Variants in CPNE8 observed in about 807,000 individuals in gnomAD.
The protein encoded by CPNE8 is copine-8.
In CPNE8, 45 loss-of-function variants were observed where a neutral mutation model predicts 81.5. That is an observed-to-expected ratio of 0.55 (90% CI 0.44 to 0.71). The LOEUF (loss-of-function observed/expected upper bound fraction) is 0.71. Ranked by LOEUF, CPNE8 falls within the 30% of genes least tolerant of loss-of-function variation. The probability of loss-of-function intolerance (pLI) is 0.00; values close to 1 mark genes in which losing one functional copy is unlikely to be tolerated. For missense variants in CPNE8, 594 were observed against 672.1 expected, an observed-to-expected ratio of 0.88 and a Z score of 1.28; for synonymous variants, 252 against 226.3, an observed-to-expected ratio of 1.11 and a Z score of -1.02.
chr12:38,848,696 C>T (rs1406748041), intron 3 of CPNE8, 34 bp from the exon 4 acceptor site: 4 of 1,553,868 alleles, frequency 2.6e-6, no homozygotes, highest in African/African-American at 1.4e-5. Context: ...AAAATTAAAC[C>T]TTGTACGGCT....
chr12:38,736,443 G>GCC (rs1365972255), intron 10 of CPNE8, among the ~76,000 whole-genome samples: 1 of 151,742 alleles, frequency 6.6e-6, no homozygotes, highest in Non-Finnish European at 1.5e-5. Flanking sequence ...ATAAGCCATA[G>GCC]TTAAGGATAT....
At chr12:38,844,710 C>A (rs930781342) in intron 4 of CPNE8, among the ~76,000 whole-genome samples, 2 of 152,154 alleles carry the variant, frequency 1.3e-5, no homozygotes, top group African/African-American at 2.4e-5. Context: ...CTCTCTTTTT[C>A]TCTCACTGTC....
chr12:38,790,074 T>C (rs1485298188), intron 6 of CPNE8, among the ~76,000 whole-genome samples: 3 of 151,762 alleles, frequency 2.0e-5, no homozygotes, highest in Non-Finnish European at 4.4e-5. Flanking sequence ...TATCGTAAGA[T>C]CCAACAATCC....
rs941283088 is a variant in CPNE8, at chr12:38,653,063, T to G, written c.*819A>C. The G allele has an allele frequency of 1.3e-5, 2 of 152,514 alleles. No individual in the cohort carries two copies. Among genetic ancestry groups the G allele is most frequent in the Non-Finnish European group, 2.9e-5 (2 of 68,022 alleles). The allele number at this position is 152,514 out of a possible 1,614,324, so 9.4% of individuals were successfully genotyped here. On this transcript the variant is annotated 3_prime_UTR_variant, in exon 20 of 20. Coordinates refer to ENST00000331366, the MANE Select transcript of CPNE8 (RefSeq NM_153634.3). The stretch of plus-strand genomic sequence containing the variant: ...TGGTTTCAGTCTTTCTAAATAGCAT[T>G]ATTATATAAGGATGCTACTTTTTAC...
chr12:38,697,343 TA>T (rs1939822270), intron 14 of CPNE8, among the ~76,000 whole-genome samples: 2 of 152,182 alleles, frequency 1.3e-5, no homozygotes, highest in African/African-American at 4.8e-5. Context: ...AGCCTGCATG[TA>T]TTAGTGCTTT....
intron 1 of CPNE8, among the ~76,000 whole-genome samples, chr12:38,894,649 C>T (rs1490347671): frequency 1.4e-5 from 2 of 143,332 alleles, no homozygotes; most frequent in East Asian, 2.1e-4. Flanking sequence ...CTTGCTCTCA[C>T]TCCAGCTCAC....
intron 7 of CPNE8, among the ~76,000 whole-genome samples, chr12:38,775,428 G>A (rs1304309488): frequency 6.6e-6 from 1 of 152,182 alleles, no homozygotes; most frequent in Non-Finnish European, 1.5e-5. Flanking sequence ...TTTGGGGTGA[G>A]TTTCTGTTCC....
At chr12:38,779,822 G>A (rs924426133) in intron 6 of CPNE8, among the ~76,000 whole-genome samples, 1 of 152,010 alleles carries the variant, frequency 6.6e-6, no homozygotes, top group Non-Finnish European at 1.5e-5. Context: ...GATTTAGAAT[G>A]TTGTAAATAT....
At chr12:38,905,386 C>G in intron 1 of CPNE8, 51 bp downstream of exon 1, 1 of 1,537,972 alleles carries the variant, frequency 6.5e-7, no homozygotes, top group Non-Finnish European at 8.8e-7. Context: ...CCAAGTGCTA[C>G]CAACCCCACA....
intron 10 of CPNE8, among the ~76,000 whole-genome samples, chr12:38,731,395 T>C (rs1267305197): frequency 2.0e-5 from 3 of 151,908 alleles, no homozygotes; most frequent in South Asian, 2.1e-4. Context: ...ACAAGTGGTG[T>C]TTAACCAATG....
chr12:38,733,951 T>G (rs147433341), intron 10 of CPNE8, among the ~76,000 whole-genome samples: 1 of 151,946 alleles, frequency 6.6e-6, no homozygotes, highest in Non-Finnish European at 1.5e-5. Flanking sequence ...TATTACTCCC[T>G]TATATCACTT....
intron 15 of CPNE8, among the ~76,000 whole-genome samples, chr12:38,686,766 C>T (rs1036918859): frequency 6.6e-6 from 1 of 152,120 alleles, no homozygotes; most frequent in African/African-American, 2.4e-5. Flanking sequence ...TGGCAGGAGG[C>T]CAAATGGACT....
chr12:38,847,249 G>T (rs1943573485), intron 4 of CPNE8, among the ~76,000 whole-genome samples: 1 of 152,032 alleles, frequency 6.6e-6, no homozygotes, highest in Non-Finnish European at 1.5e-5. Context: ...AAAAAACAAA[G>T]GGGGGAACAA....
intron 4 of CPNE8, among the ~76,000 whole-genome samples, chr12:38,847,050 GA>G (rs895779748): frequency 8.0e-5 from 12 of 149,520 alleles, no homozygotes; most frequent in Non-Finnish European, 1.2e-4. Flanking sequence ...TATGCTTAAA[GA>G]AAAAAAAAAT....
At chr12:38,871,825 T>TATTGATATACA (rs1259866072) in intron 3 of CPNE8, among the ~76,000 whole-genome samples, 1 of 152,120 alleles carries the variant, frequency 6.6e-6, no homozygotes, top group African/African-American at 2.4e-5. Flanking sequence ...ATACAGAGTT[T>TATTGATATACA]GAGGTAGATA....
upstream of CPNE8, chr12:38,905,935 G>A (rs1175849385): frequency 2.0e-6 from 2 of 985,250 alleles, no homozygotes; most frequent in Non-Finnish European, 2.4e-6. Context: ...GCAAGCCCTC[G>A]CCGGCTCTGC....
intron 6 of CPNE8, among the ~76,000 whole-genome samples, chr12:38,825,493 T>C (rs1023441455): frequency 2.0e-5 from 3 of 152,220 alleles, no homozygotes; most frequent in Non-Finnish European, 4.4e-5. Context: ...TATTCGCAGA[T>C]AAAGCTTCCA....
intron 18 of CPNE8, 62 bp downstream of exon 18, chr12:38,675,655 A>G: frequency 9.4e-7 from 1 of 1,060,688 alleles, no homozygotes; most frequent in Non-Finnish European, 1.5e-6. Context: ...CAGAAACCCA[A>G]GAGCATGTTA....
chr12:38,768,718 G>A (rs1048255364), intron 7 of CPNE8, among the ~76,000 whole-genome samples: 1 of 151,630 alleles, frequency 6.6e-6, no homozygotes, highest in African/African-American at 2.4e-5. Flanking sequence ...TAGCAGAGAC[G>A]GGGTTTCACC....
Sources: gnomAD v4.1 joint callset for allele counts (sites outside exome capture counted in the v4.1 genomes callset) on GRCh38, gnomAD v4.1.1 for gene constraint, MANE v1.5 for transcripts, NCBI Gene and HGNC (gene_info 2026-07-23, HGNC 2026-07-21) for gene names.